The following LY86 variants were observed in gnomAD, a reference collection of about 807,000 sequenced individuals.
LY86 encodes lymphocyte antigen 86, also known as MD-1, RP105-associated.
Under a neutral mutation model 17.3 loss-of-function variants are expected in LY86, and 20 were observed. That is an observed-to-expected ratio of 1.15 (90% CI 0.81 to 1.68). The LOEUF is 1.68. Among genes scored for constraint, LY86 ranks in the 40% most tolerant of loss-of-function variants. The pLI, the probability that LY86 is intolerant of heterozygous loss-of-function variation, is 0.00. For synonymous variants in LY86, 74 were observed against 70.6 expected, an observed-to-expected ratio of 1.05 and a Z score of -0.24; for missense variants, 200 against 191.9, an observed-to-expected ratio of 1.04 and a Z score of -0.25.
chr6:6,611,448 G>A (rs1216281873), intron 1 of LY86, among the ~76,000 whole-genome samples: 1 of 152,132 alleles, frequency 6.6e-6, no homozygotes, highest in Non-Finnish European at 1.5e-5. Context: ...ACATACGTAG[G>A]GCTCAGAACA....
At chr6:6,609,779 C>G (rs1452571738) in intron 1 of LY86, among the ~76,000 whole-genome samples, 1 of 151,748 alleles carries the variant, frequency 6.6e-6, no homozygotes, top group African/African-American at 2.4e-5. Flanking sequence ...CTAAGTTGCT[C>G]TCATACTAGA....
intron 1 of LY86, among the ~76,000 whole-genome samples, chr6:6,597,759 G>C (rs775747466): frequency 1.1e-4 from 17 of 152,264 alleles, no homozygotes; most frequent in Non-Finnish European, 2.2e-4. Context: ...GCAGAAGTGA[G>C]TGGTAACCAA....
At chr6:6,636,007 CCTTGAGCAGGCATCAGCATCACCCGG>C (rs1761954398) in intron 3 of LY86, among the ~76,000 whole-genome samples, 1 of 152,216 alleles carries the variant, frequency 6.6e-6, no homozygotes, top group Admixed American at 6.5e-5. Context: ...TGGTTCTCAA[CCTTGAGCAGGCATCAGCATCACCCGG>C]AGCCCAGGTT....
chr6:6,649,481 C>CTCGGTGGG, intron 3 of LY86, 144 bp from the exon 4 acceptor site: 2 of 595,086 alleles, frequency 3.4e-6, no homozygotes, highest in Non-Finnish European at 5.9e-6. Flanking sequence ...AGGTGTAGAT[C>CTCGGTGGG]AGGAAATGAA....
chr6:6,646,887 C>T (rs1240849908), intron 3 of LY86, among the ~76,000 whole-genome samples: 1 of 152,174 alleles, frequency 6.6e-6, no homozygotes. Flanking sequence ...TCTGGGCTAA[C>T]TGGAGTATCT....
At chr6:6,635,237 T>C (rs1213441492) in intron 3 of LY86, among the ~76,000 whole-genome samples, 2 of 152,212 alleles carry the variant, frequency 1.3e-5, no homozygotes, top group Non-Finnish European at 2.9e-5. Flanking sequence ...AGTGCATGCC[T>C]AAAGCCATGA....
Position 6,603,603 on chromosome 6 carries a change from C to CAAAAAAAAAAAAAAAAAAAAAAAAA in LY86, c.136+14734_136+14735insAAAAAAAAAAAAAAAAAAAAAAAAA, listed in dbSNP as rs1207511602. Reference sequence around the variant, plus strand: ...CCAAAGCCAAAAACAAAAACAGAAACAGAAAAAAAAACAAACAAAAAAAAA... The same window carrying CAAAAAAAAAAAAAAAAAAAAAAAAA: ...CCAAAGCCAAAAACAAAAACAGAAACAAAAAAAAAAAAAAAAAAAAAAAAAAGAAAAAAAAACAAACAAAAAAAAA... On this transcript the variant is annotated intron_variant, in intron 1 of 4. Coordinates refer to ENST00000230568, the MANE Select transcript of LY86 (RefSeq NM_004271.4). 1.1e-4 allele frequency among the ~76,000 whole-genome samples: 8 copies of CAAAAAAAAAAAAAAAAAAAAAAAAA among 70,480 alleles called. 1 individual carries two copies. The highest frequency in any genetic ancestry group is 2.6e-4 in the Non-Finnish European group (8 of 31,154). 46.2% of individuals were successfully genotyped at this position (70,480 alleles called of 152,430 possible).
intron 3 of LY86, among the ~76,000 whole-genome samples, chr6:6,628,795 A>G (rs1761848684): frequency 6.6e-6 from 1 of 152,254 alleles, no homozygotes; most frequent in Middle Eastern, 3.2e-3. Context: ...GTAAAGACAC[A>G]ATAGATACTT....
chr6:6,653,396 C>T (rs927016618), intron 4 of LY86, among the ~76,000 whole-genome samples: 12 of 152,202 alleles, frequency 7.9e-5, no homozygotes, highest in African/African-American at 2.9e-4. Context: ...GCCACAGTCC[C>T]TCTGCTCCGC....
At chr6:6,607,284 G>C (rs13218211) in intron 1 of LY86, among the ~76,000 whole-genome samples, 1 of 152,154 alleles carries the variant, frequency 6.6e-6, no homozygotes, top group Non-Finnish European at 1.5e-5. Flanking sequence ...CTGTACTCTT[G>C]AAAATGGTTA....
intron 1 of LY86, among the ~76,000 whole-genome samples, chr6:6,616,172 T>G (rs1244843478): frequency 6.6e-6 from 1 of 152,224 alleles, no homozygotes; most frequent in African/African-American, 2.4e-5. Flanking sequence ...AAGCAGCACC[T>G]TCGCAGAGTG....
chr6:6,620,454 G>A (rs1761646936), intron 1 of LY86, among the ~76,000 whole-genome samples: 1 of 152,208 alleles, frequency 6.6e-6, no homozygotes, highest in South Asian at 2.1e-4. Context: ...AGGCCACAGG[G>A]GGCGGAGCTA....
chr6:6,602,075 C>T (rs1454402778), intron 1 of LY86, among the ~76,000 whole-genome samples: 1 of 152,206 alleles, frequency 6.6e-6, no homozygotes, highest in African/African-American at 2.4e-5. Flanking sequence ...TACCACCTTC[C>T]TTCCCCTTCT....
At chr6:6,621,692 T>C (rs777104143) in intron 1 of LY86, among the ~76,000 whole-genome samples, 17 of 152,318 alleles carry the variant, frequency 1.1e-4, no homozygotes, top group African/African-American at 1.9e-4. Flanking sequence ...AAAATGTCAA[T>C]AGTGATGACA....
intron 1 of LY86, among the ~76,000 whole-genome samples, chr6:6,614,377 C>CTTTTTTTTTTTTTTTTTTT (rs57187485): frequency 6.9e-6 from 1 of 145,550 alleles, no homozygotes; most frequent in African/African-American, 2.5e-5. Context: ...AATCACGTCT[C>CTTTTTTTTTTTTTTTTTTT]TTTTTTTTTT....
intron 3 of LY86, among the ~76,000 whole-genome samples, chr6:6,649,134 A>G (rs954300219): frequency 2.6e-5 from 4 of 152,250 alleles, no homozygotes; most frequent in Non-Finnish European, 5.9e-5. Context: ...GCAAAGGCAC[A>G]TCTTATACGG....
chr6:6,607,997 T>C (rs1761235948), intron 1 of LY86, among the ~76,000 whole-genome samples: 1 of 152,244 alleles, frequency 6.6e-6, no homozygotes, highest in East Asian at 1.9e-4. Context: ...CAAATTGCAT[T>C]TTAAAAGTTA....
At chr6:6,594,269 T>C (rs1265446677) in intron 1 of LY86, among the ~76,000 whole-genome samples, 1 of 152,220 alleles carries the variant, frequency 6.6e-6, no homozygotes, top group Non-Finnish European at 1.5e-5. Context: ...CAAACCCCAC[T>C]CGGTGCCTGT....
At chr6:6,645,202 T>G (rs1762092290) in intron 3 of LY86, among the ~76,000 whole-genome samples, 2 of 152,190 alleles carry the variant, frequency 1.3e-5, no homozygotes, top group African/African-American at 4.8e-5. Flanking sequence ...TTACATACAC[T>G]GGCTCAAGCA....
Sources: gnomAD v4.1 joint callset for allele counts (sites outside exome capture counted in the v4.1 genomes callset) on GRCh38, gnomAD v4.1.1 for gene constraint, MANE v1.5 for transcripts, NCBI Gene and HGNC (gene_info 2026-07-23, HGNC 2026-07-21) for gene names.